ARRB1: variants seen among roughly 807,000 people sequenced by gnomAD.
ARRB1 encodes arrestin beta 1, also known as beta-arrestin-1.
In ARRB1, 21 loss-of-function variants were observed where a neutral mutation model predicts 56.8. The ratio of observed to expected loss-of-function variants is 0.37; its 90% CI spans 0.26 to 0.53. The LOEUF is 0.53. Ranked by LOEUF, ARRB1 falls within the 20% of genes least tolerant of loss-of-function variation. ARRB1 has a pLI of 0.88. For missense variants in ARRB1, 424 were observed against 553.7 expected (o/e 0.77, Z 2.35); for synonymous variants, 210 against 218.6 (o/e 0.96, Z 0.35).
At chr11:75,298,281 T>C (rs547098050) in intron 1 of ARRB1, among the ~76,000 whole-genome samples, 32 of 145,694 alleles carry the variant, frequency 2.2e-4, no homozygotes, top group African/African-American at 6.9e-4. Flanking sequence ...ATGGAGCAAA[T>C]ATTTTCAAAT....
intron 1 of ARRB1, chr11:75,306,832 C>T (rs1456776882): frequency 4.9e-6 from 2 of 412,000 alleles, no homozygotes; most frequent in African/African-American, 4.2e-5. Flanking sequence ...GCTGGCAGCA[C>T]TCTGCCTGTA....
chr11:75,310,879 C>T (rs987290081), intron 1 of ARRB1, among the ~76,000 whole-genome samples: 2 of 152,186 alleles, frequency 1.3e-5, no homozygotes, highest in Non-Finnish European at 1.5e-5. Flanking sequence ...CCCAGGAGGC[C>T]GGCTCCCCAA....
chr11:75,348,175 C>A (rs1401494207), intron 1 of ARRB1, among the ~76,000 whole-genome samples: 1 of 152,228 alleles, frequency 6.6e-6, no homozygotes, highest in Admixed American at 6.5e-5. Flanking sequence ...CACTATCATC[C>A]CCAGCCCAGG....
intron 1 of ARRB1, among the ~76,000 whole-genome samples, chr11:75,350,533 T>C (rs1197767434): frequency 6.6e-6 from 1 of 152,158 alleles, no homozygotes; most frequent in Non-Finnish European, 1.5e-5. Flanking sequence ...CCAGCGCTGG[T>C]CCTGTCTGAA....
intron 1 of ARRB1, among the ~76,000 whole-genome samples, chr11:75,295,540 A>G (rs1946720371): frequency 6.6e-6 from 1 of 152,172 alleles, no homozygotes; most frequent in African/African-American, 2.4e-5. Context: ...GACTATGTTG[A>G]ACCCATCTGG....
At chr11:75,287,734 C>A (rs898491901) in intron 2 of ARRB1, among the ~76,000 whole-genome samples, 1 of 152,222 alleles carries the variant, frequency 6.6e-6, no homozygotes, top group Non-Finnish European at 1.5e-5. Flanking sequence ...AGGGTGAGAG[C>A]CCCCAGGCAG....
intron 1 of ARRB1, among the ~76,000 whole-genome samples, chr11:75,349,357 G>A (rs1211726780): frequency 6.6e-6 from 1 of 152,206 alleles, no homozygotes; most frequent in Non-Finnish European, 1.5e-5. Flanking sequence ...CTAACGTCCG[G>A]AAAAGTAAAG....
intron 1 of ARRB1, 130 bp from the exon 2 acceptor site, chr11:75,290,169 T>G (rs1946574401): frequency 5.6e-6 from 6 of 1,063,224 alleles, no homozygotes; most frequent in Non-Finnish European, 8.4e-6. Flanking sequence ...AGGCTTGAGA[T>G]CCGAACAGTG....
At chr11:75,338,551 T>C (rs1039592783) in intron 1 of ARRB1, among the ~76,000 whole-genome samples, 2 of 152,160 alleles carry the variant, frequency 1.3e-5, no homozygotes, top group Admixed American at 1.3e-4. Flanking sequence ...GGTCTTTCTG[T>C]ACACTGGGTC....
rs894505852 is a variant in ARRB1 at position 75,312,193 on chromosome 11, C to T, written c.21-22154G>A. 2.4e-6 allele frequency: 3 copies of T among 1,254,972 alleles called. No individual in the cohort carries two copies. The African/African-American group carries it at 4.6e-5, about 19-fold the overall frequency. 77.7% of individuals were successfully genotyped at this position (1,254,972 alleles called of 1,614,324 possible). A position where few individuals can be genotyped will look rare whatever the true frequency, so the allele number is the denominator to read the frequency against. On this transcript the variant is annotated intron_variant, in intron 1 of 15. Coordinates refer to ENST00000420843, the MANE Select transcript of ARRB1 (RefSeq NM_004041.5). ...CGGGGAGTGGTGAGCTCAGCCTTTC[C>T]CAGCAGCCGTCCCTAGGAATGATGG...
rs1238865562 is a variant in ARRB1, at chr11:75,291,913, G to A, written c.21-1874C>T. 2.0e-5 allele frequency among the ~76,000 whole-genome samples: 3 copies of A among 152,262 alleles called. No individual in the cohort carries two copies. In the East Asian group the frequency reaches 5.8e-4, roughly 29 times the overall value. On this transcript the variant is annotated intron_variant, in intron 1 of 15. Transcript: ENST00000420843. The stretch of plus-strand genomic sequence containing the variant: ...CAGGGTGGGCAGGACAGTGAGGCCC[G>A]CCATGGCACATGGACAGCCACTCCT...
chr11:75,276,820 C>G lies in ARRB1; in HGVS notation c.776+19G>C. On this transcript the variant is annotated intron_variant, in intron 10 of 15. Transcript: ENST00000420843. ...CCACCCAATCCCATACGCCCAAGGC[C>G]AGACTTGTGCCCACTTACTCAGCCT... The G allele has an allele frequency of 6.2e-7, 1 of 1,613,654 alleles. No individual in the cohort carries two copies. Among genetic ancestry groups the G allele is most frequent in the Non-Finnish European group, 8.5e-7 (1 of 1,179,578 alleles).
At chr11:75,276,959 C>T (rs1480967836) in intron 9 of ARRB1, 48 bp from the exon 10 acceptor site, 1 of 1,592,612 alleles carries the variant, frequency 6.3e-7, no homozygotes, top group Non-Finnish European at 8.6e-7. Context: ...AATGTAGCTC[C>T]CATGGAGTCT....
intron 1 of ARRB1, among the ~76,000 whole-genome samples, chr11:75,300,587 T>C (rs1946875927): frequency 6.6e-6 from 1 of 152,142 alleles, no homozygotes; most frequent in African/African-American, 2.4e-5. Context: ...ATCCCAGCAC[T>C]TTGGGAGGCC....
chr11:75,324,090 GT>G (rs1201566557), intron 1 of ARRB1, among the ~76,000 whole-genome samples: 9 of 152,324 alleles, frequency 5.9e-5, no homozygotes, highest in Admixed American at 4.6e-4. Context: ...TAGAAATGTT[GT>G]TTCTAAATGA....
At chr11:75,306,735 A>C in intron 1 of ARRB1, 1 of 1,178,448 alleles carries the variant, frequency 8.5e-7, no homozygotes, top group Non-Finnish European at 1.1e-6. Flanking sequence ...GGTTAGTTAC[A>C]AAGAAAAGGA....
At chr11:75,287,437 C>A in intron 2 of ARRB1, 62 bp from the exon 3 acceptor site, 1 of 1,518,306 alleles carries the variant, frequency 6.6e-7, no homozygotes, top group South Asian at 1.2e-5. Context: ...AGGACCCTGT[C>A]TTGGAGGAAA....
At chr11:75,270,765 C>G (rs1172899445) in intron 13 of ARRB1, among the ~76,000 whole-genome samples, 1 of 152,116 alleles carries the variant, frequency 6.6e-6, no homozygotes, top group Non-Finnish European at 1.5e-5. Context: ...CACTGCACTC[C>G]AGTCTGGGCA....
intron 1 of ARRB1, 34 bp downstream of exon 1, chr11:75,351,554 C>T: frequency 1.3e-6 from 2 of 1,497,858 alleles, no homozygotes; most frequent in East Asian, 2.8e-5. Context: ...GTCGCCCCCA[C>T]GCGCCCCCCG....
Sources: gnomAD v4.1 joint callset for allele counts (sites outside exome capture counted in the v4.1 genomes callset) on GRCh38, gnomAD v4.1.1 for gene constraint, MANE v1.5 for transcripts, NCBI Gene and HGNC (gene_info 2026-07-23, HGNC 2026-07-21) for gene names.